Variants in OR2C1 observed in about 807,000 individuals in gnomAD.
The protein encoded by OR2C1 is olfactory receptor family 2 subfamily C member 1.
For synonymous variants in OR2C1, 209 were observed against 167.3 expected (o/e 1.25, Z -1.92); for missense variants, 468 against 388.3 (o/e 1.21, Z -1.73).
chr16:3,329,691 C>T, the OR2C1 span, among the ~76,000 whole-genome samples: 1 of 150,350 alleles, frequency 6.7e-6, no homozygotes, highest in Non-Finnish European at 1.5e-5. Flanking sequence ...CCTCATGATC[C>T]ACCCACCTCG....
chr16:3,356,557 T>G lies in OR2C1; in HGVS notation c.617T>G (p.Phe206Cys), dbSNP rs754482785. The change falls in exon 1 of 1, where the codon TTC becomes TGC. Residue 206 changes from phenylalanine to cysteine, a missense_variant. Phe to Cys is a radical substitution (Grantham distance 205). Coordinates refer to ENST00000304936, the MANE Select transcript of OR2C1 (RefSeq NM_012368.3). ...GTGCTCAATGGTGTCTGCACCTTCT[T>G]CACTGCAGTCCCACTAAGCATCATC... ...QAVLNGVCTF[F>C]TAVPLSIIVI... The G allele has an allele frequency of 1.2e-6, 2 of 1,614,082 alleles. No individual in the cohort carries two copies. Among genetic ancestry groups the G allele is most frequent in the African/African-American group, 2.7e-5 (2 of 74,942 alleles).
At position 3,356,010 on chromosome 16, in the gene OR2C1, G is replaced by C; in HGVS notation, c.70G>C (p.Glu24Gln). Residue 24 changes from glutamate to glutamine, a missense_variant, in exon 1 of 1, where the codon GAG becomes CAG. Coordinates refer to ENST00000304936, the MANE Select transcript of OR2C1 (RefSeq NM_012368.3). ...LMGISDHPQL[E>Q]MIFFIAILFS... ...GGGCATATCAGACCATCCCCAGCTGGAGATGATCTTTTTTATAGCCATCCT... is the reference window on the plus strand; with the variant it reads ...GGGCATATCAGACCATCCCCAGCTGCAGATGATCTTTTTTATAGCCATCCT... 2 of 1,614,058 alleles carry C rather than the reference G, an allele frequency of 1.2e-6. No homozygotes were observed. Among genetic ancestry groups the C allele is most frequent in the South Asian group, 2.2e-5 (2 of 91,074 alleles).
chr16:3,339,277 T>G, the OR2C1 span, among the ~76,000 whole-genome samples: 4 of 151,620 alleles, frequency 2.6e-5, no homozygotes, highest in East Asian at 1.9e-4. Context: ...AACATTAGTT[T>G]TTTTTTTTTT....
the OR2C1 span, chr16:3,323,750 G>T: frequency 1.4e-6 from 1 of 690,044 alleles, no homozygotes; most frequent in South Asian, 1.6e-5. Context: ...CTGCCACCAG[G>T]AATTATGTAG....
At chr16:3,352,899 G>A (rs1466634592), upstream of OR2C1, among the ~76,000 whole-genome samples, 5 of 151,138 alleles carry the variant, frequency 3.3e-5, no homozygotes, top group African/African-American at 4.9e-5. Flanking sequence ...GTAGCACCAC[G>A]CCCGGATAAT....
chr16:3,329,815 C>T, the OR2C1 span, among the ~76,000 whole-genome samples: 34 of 114,372 alleles, frequency 3.0e-4, no homozygotes, highest in Admixed American at 8.1e-4. Flanking sequence ...AGTGCAGTGG[C>T]GCAATCTCAG....
chr16:3,336,331 A>T, the OR2C1 span, among the ~76,000 whole-genome samples: 1 of 152,094 alleles, frequency 6.6e-6, no homozygotes, highest in Admixed American at 6.6e-5. Context: ...TATGTTCATC[A>T]GGAATATTGG....
At chr16:3,346,397 C>T in the OR2C1 span, among the ~76,000 whole-genome samples, 3 of 152,118 alleles carry the variant, frequency 2.0e-5, no homozygotes, top group African/African-American at 4.8e-5. Context: ...GATGCAAGTA[C>T]GTCCAGCTGG....
the OR2C1 span, among the ~76,000 whole-genome samples, chr16:3,342,488 T>A: frequency 6.6e-6 from 1 of 152,114 alleles, no homozygotes; most frequent in Non-Finnish European, 1.5e-5. Context: ...GAGGCCAATG[T>A]GGGTGGATCA....
At chr16:3,329,690 C>G in the OR2C1 span, among the ~76,000 whole-genome samples, 1 of 151,010 alleles carries the variant, frequency 6.6e-6, no homozygotes, top group Non-Finnish European at 1.5e-5. Context: ...ACCTCATGAT[C>G]CACCCACCTC....
At chr16:3,345,001 G>T in the OR2C1 span, among the ~76,000 whole-genome samples, 3 of 151,906 alleles carry the variant, frequency 2.0e-5, no homozygotes, top group Non-Finnish European at 4.4e-5. Context: ...CAGCATTGTT[G>T]TCATTGTAGG....
the OR2C1 span, among the ~76,000 whole-genome samples, chr16:3,328,532 C>T: frequency 6.4e-4 from 97 of 152,262 alleles, no homozygotes; most frequent in African/African-American, 2.1e-3. Flanking sequence ...AACTGTGAGA[C>T]AGGAAAAACA....
chr16:3,354,586 A>G (rs74677757), upstream of OR2C1, among the ~76,000 whole-genome samples: 798 of 152,260 alleles, frequency 5.2e-3, 12 homozygotes, highest in African/African-American at 0.018. Context: ...CTGTGACTTT[A>G]TAGATTCATC....
the OR2C1 span, among the ~76,000 whole-genome samples, chr16:3,347,774 A>G: frequency 6.6e-6 from 1 of 152,000 alleles, no homozygotes; most frequent in African/African-American, 2.4e-5. Flanking sequence ...ATGAACACAC[A>G]TGCACACACG....
Position 3,356,260 on chromosome 16 carries a change from T to C in OR2C1, c.320T>C (p.Leu107Pro), listed in dbSNP as rs1567286498. Residue 107 changes from leucine (L) to proline (P), a missense_variant, in exon 1 of 1, where the codon CTG becomes CCG. Physicochemically the swap from Leu to Pro is moderately conservative, Grantham distance 98 (BLOSUM62 -3). Coordinates refer to ENST00000304936, the MANE Select transcript of OR2C1 (RefSeq NM_012368.3). ...CITQLYVFLW[L>P]GATECILLVV... The stretch of plus-strand genomic sequence containing the variant: ...ACCCAGCTCTATGTCTTCCTTTGGC[T>C]GGGGGCCACCGAGTGCATCCTGCTG... 1.2e-6 allele frequency: 2 copies of C among 1,614,022 alleles called. No individual in the cohort carries two copies. Among genetic ancestry groups the C allele is most frequent in the South Asian group, 2.2e-5 (2 of 91,082 alleles).
At chr16:3,334,038 T>C in the OR2C1 span, among the ~76,000 whole-genome samples, 2 of 152,046 alleles carry the variant, frequency 1.3e-5, no homozygotes, top group Non-Finnish European at 2.9e-5. Flanking sequence ...AGTGGCACAA[T>C]CTTGGCTCAC....
chr16:3,329,486 G>A, the OR2C1 span, among the ~76,000 whole-genome samples: 2 of 152,114 alleles, frequency 1.3e-5, no homozygotes, highest in Non-Finnish European at 2.9e-5. Context: ...GTCTCGCTCT[G>A]TCGCCCAGGC....
chr16:3,353,489 CAAAAAAAAAAAA>C (rs58703245), upstream of OR2C1, among the ~76,000 whole-genome samples: 2 of 82,968 alleles, frequency 2.4e-5, no homozygotes, highest in East Asian at 3.7e-4. Context: ...GACTCCGTCT[CAAAAAAAAAAAA>C]AAAAAAAAGA....
At chr16:3,325,894 T>TGGA in the OR2C1 span, among the ~76,000 whole-genome samples, 2 of 151,414 alleles carry the variant, frequency 1.3e-5, no homozygotes, top group Non-Finnish European at 2.9e-5. Flanking sequence ...CTCCAAAGCA[T>TGGA]GGAGGTATTA....
Sources: gnomAD v4.1 joint callset for allele counts (sites outside exome capture counted in the v4.1 genomes callset) on GRCh38, gnomAD v4.1.1 for gene constraint, MANE v1.5 for transcripts, NCBI Gene and HGNC (gene_info 2026-07-23, HGNC 2026-07-21) for gene names.